POU6F2: variants seen among roughly 807,000 people sequenced by gnomAD.
The protein encoded by POU6F2 is POU class 6 homeobox 2, also known as POU domain, class 6, transcription factor 2.
POU6F2 carries 31 observed loss-of-function variants against 71.3 expected under a neutral mutation model. The observed-to-expected ratio is 0.43, with a 90% CI of 0.33 to 0.59. The LOEUF (loss-of-function observed/expected upper bound fraction) is 0.59. Ranked by LOEUF, POU6F2 falls within the 20% of genes least tolerant of loss-of-function variation. POU6F2 has a pLI of 0.04. For synonymous variants in POU6F2, 347 were observed against 355.7 expected, an observed-to-expected ratio of 0.98 and a Z score of 0.27; for missense variants, 783 against 856.8, an observed-to-expected ratio of 0.91 and a Z score of 1.07.
chr7:39,312,382 G>T (rs1420991853), intron 4 of POU6F2, among the ~76,000 whole-genome samples: 1 of 152,164 alleles, frequency 6.6e-6, no homozygotes, highest in Admixed American at 6.5e-5. Flanking sequence ...CTGGTCTCCA[G>T]CTTTTTCACA....
intron 4 of POU6F2, among the ~76,000 whole-genome samples, chr7:39,277,480 C>G (rs1050295893): frequency 6.6e-6 from 1 of 152,076 alleles, no homozygotes; most frequent in Non-Finnish European, 1.5e-5. Context: ...AGTTAACTCC[C>G]ACTTATAAGT....
intron 1 of POU6F2, among the ~76,000 whole-genome samples, chr7:39,036,987 T>G (rs935138177): frequency 6.6e-6 from 1 of 152,008 alleles, no homozygotes; most frequent in Non-Finnish European, 1.5e-5. Context: ...GTATACAGAC[T>G]ATTTCATCAC....
chr7:39,248,951 A>AC (rs1260449938), intron 4 of POU6F2, among the ~76,000 whole-genome samples: 2 of 151,938 alleles, frequency 1.3e-5, no homozygotes, highest in South Asian at 2.1e-4. Flanking sequence ...TTCATGGCTC[A>AC]CCCCCAAGGA....
In POU6F2 at chr7:39,096,760, A is replaced by G. The variant is rs192398475; in HGVS notation, c.277+10729A>G. Among the ~76,000 whole-genome samples the G allele has an allele frequency of 1.1e-3, 171 of 152,296 alleles. 1 individual carries two copies. Among genetic ancestry groups the G allele is most frequent in the African/African-American group, 3.8e-3 (156 of 41,572 alleles). ...TTTTGCAGCCTAGAAAAAAAAAATG[A>G]CTTAAAATTTAAAAATAGATGGCTG... On this transcript the variant is annotated intron_variant, in intron 2 of 9. Coordinates refer to ENST00000518318, the MANE Select transcript of POU6F2 (RefSeq NM_001370959.1).
At chr7:39,026,140 A>C (rs1789795239) in intron 1 of POU6F2, among the ~76,000 whole-genome samples, 1 of 151,782 alleles carries the variant, frequency 6.6e-6, no homozygotes, top group South Asian at 2.1e-4. Flanking sequence ...GAACACTTTT[A>C]CACTGTTGGT....
intron 6 of POU6F2, among the ~76,000 whole-genome samples, chr7:39,420,172 G>T (rs1175054477): frequency 1.3e-5 from 2 of 152,200 alleles, no homozygotes; most frequent in Admixed American, 1.3e-4. Context: ...CATGGAATTT[G>T]AAGATTTTCT....
intron 5 of POU6F2, among the ~76,000 whole-genome samples, chr7:39,348,816 G>A (rs1786080378): frequency 6.6e-6 from 1 of 152,176 alleles, no homozygotes; most frequent in Non-Finnish European, 1.5e-5. Flanking sequence ...AGATAGAAGT[G>A]CTGCATGCTA....
intron 5 of POU6F2, among the ~76,000 whole-genome samples, chr7:39,357,379 A>G (rs1786282782): frequency 6.6e-6 from 1 of 152,224 alleles, no homozygotes; most frequent in African/African-American, 2.4e-5. Flanking sequence ...CCATGCAATT[A>G]CTTATGAAAG....
At position 39,464,726 on chromosome 7, in the gene POU6F2, A is replaced by C; in HGVS notation, c.*40A>C. The C allele has an allele frequency of 6.5e-7, 1 of 1,548,094 alleles. No homozygotes were observed. Among genetic ancestry groups the C allele is most frequent in the Non-Finnish European group, 8.7e-7 (1 of 1,150,646 alleles). On this transcript the variant is annotated 3_prime_UTR_variant, in exon 10 of 10. Transcript: ENST00000518318. The surrounding 1 kb of genome is among the most constrained non-coding windows in gnomAD (Gnocchi z 4.1). ...ATAATCAGAAGCAAAATTCACAGAA[A>C]CTAAACTCCACCCTTGGGACTCCAC...
chr7:39,370,428 G>A (rs1786584851), intron 5 of POU6F2, among the ~76,000 whole-genome samples: 1 of 152,226 alleles, frequency 6.6e-6, no homozygotes, highest in Admixed American at 6.5e-5. Flanking sequence ...ACTTCCTTGA[G>A]GTTGTGGAAC....
In POU6F2 at chr7:39,109,199, C is replaced by T. The variant is rs147864041; in HGVS notation, c.277+23168C>T. Among the ~76,000 whole-genome samples the T allele has an allele frequency of 1.2e-3, 185 of 152,242 alleles. 1 individual carries two copies. The highest frequency in any genetic ancestry group is 4.1e-3 in the African/African-American group (170 of 41,544). On this transcript the variant is annotated intron_variant, in intron 2 of 9. Coordinates refer to ENST00000518318, the MANE Select transcript of POU6F2 (RefSeq NM_001370959.1). The stretch of plus-strand genomic sequence containing the variant: ...TAGCTGGGACTACAGACATGTGCTG[C>T]CACTGCATCTGGCTAATTTTTTGTA...
chr7:39,376,537 G>A lies in POU6F2; in HGVS notation c.973-30063G>A, dbSNP rs1053074342. Among the ~76,000 whole-genome samples, 3 of 152,150 alleles carry A rather than the reference G, an allele frequency of 2.0e-5. No homozygotes were observed. The East Asian group carries it at 5.8e-4, about 29-fold the overall frequency. ...TGCTGAAAAAGACTCGGTCCAGTCT[G>A]GAACTGACACCTGGATAACATTCTC... On this transcript the variant is annotated intron_variant, in intron 5 of 9. Coordinates refer to ENST00000518318, the MANE Select transcript of POU6F2 (RefSeq NM_001370959.1).
chr7:39,304,344 G>A (rs1324241087), intron 4 of POU6F2, among the ~76,000 whole-genome samples: 9 of 152,216 alleles, frequency 5.9e-5, no homozygotes, highest in Admixed American at 4.6e-4. Context: ...AATTCGAATC[G>A]ACATATCTTG....
intron 4 of POU6F2, among the ~76,000 whole-genome samples, chr7:39,337,620 C>G (rs1472740649): frequency 6.6e-6 from 1 of 152,116 alleles, no homozygotes; most frequent in African/African-American, 2.4e-5. Context: ...TGAGCCACTT[C>G]GATGCACTAT....
At chr7:39,194,826 A>AC (rs369113373) in intron 2 of POU6F2, among the ~76,000 whole-genome samples, 15 of 151,838 alleles carry the variant, frequency 9.9e-5, no homozygotes, top group East Asian at 1.9e-4. Context: ...GAGACCACGA[A>AC]CCCCCCCGGG....
intron 1 of POU6F2, among the ~76,000 whole-genome samples, chr7:39,038,248 C>G (rs982478772): frequency 6.6e-6 from 1 of 151,836 alleles, no homozygotes; most frequent in Non-Finnish European, 1.5e-5. Context: ...GTACCCTTTT[C>G]TTTGGTATAC....
intron 1 of POU6F2, among the ~76,000 whole-genome samples, chr7:39,079,164 T>C (rs1217790181): frequency 2.0e-5 from 3 of 151,016 alleles, no homozygotes; most frequent in East Asian, 1.9e-4. Context: ...ATTATCTCAC[T>C]TGAGTCTCAC....
intron 1 of POU6F2, among the ~76,000 whole-genome samples, chr7:39,073,132 T>C (rs1790919518): frequency 6.6e-6 from 1 of 152,170 alleles, no homozygotes; most frequent in African/African-American, 2.4e-5. Flanking sequence ...TTTGTTGAAT[T>C]GCATCAGTTT....
At chr7:39,225,871 A>AT (rs1794450813) in intron 4 of POU6F2, among the ~76,000 whole-genome samples, 1 of 152,064 alleles carries the variant, frequency 6.6e-6, no homozygotes, top group Non-Finnish European at 1.5e-5. Context: ...ATGTGATTTC[A>AT]TGCCATAAAA....
Sources: allele counts gnomAD v4.1 joint callset (sites outside exome capture counted in the v4.1 genomes callset), GRCh38; gene constraint gnomAD v4.1.1; non-coding constraint Gnocchi (gnomAD v3.1); transcripts MANE v1.5; gene names NCBI Gene and HGNC (gene_info 2026-07-23, HGNC 2026-07-21).